The following TRIM56 variants were observed in gnomAD, a reference collection of about 807,000 sequenced individuals.
The protein encoded by TRIM56 is tripartite motif containing 56.
Under a neutral mutation model 17.1 loss-of-function variants are expected in TRIM56, and 10 were observed. That is an observed-to-expected ratio of 0.58 (90% CI 0.36 to 0.99). The LOEUF (loss-of-function observed/expected upper bound fraction) is 0.99, where lower values mean the gene tolerates loss of function less well. Ranked by LOEUF, TRIM56 falls within the 50% of genes least tolerant of loss-of-function variation. The pLI is 0.01. For missense variants in TRIM56, 923 were observed against 1,052.3 expected (o/e 0.88, Z 1.70); for synonymous variants, 503 against 473.5 (o/e 1.06, Z -0.81).
Position 101,089,316 on chromosome 7 carries a change from T to C in TRIM56, c.2004T>C (p.Val668=). 6.2e-7 allele frequency: 1 copy of C among 1,603,164 alleles called. No homozygotes were observed. The highest frequency in any genetic ancestry group is 8.5e-7 in the Non-Finnish European group (1 of 1,172,080). Residue 668 remains valine, a synonymous_variant, in exon 3 of 3, where the codon GTT becomes GTC. Coordinates refer to ENST00000306085, the MANE Select transcript of TRIM56 (RefSeq NM_030961.3). Reference sequence around the variant, plus strand: ...TCTGTGATGGGCTGGGCCAGGTGGTTGGGGAGTACAAGGGGCCAGGCCTGC... The same window carrying C: ...TCTGTGATGGGCTGGGCCAGGTGGTCGGGGAGTACAAGGGGCCAGGCCTGC... ...VVICDGLGQV[V]GEYKGPGLHG...
In TRIM56 at chr7:101,089,432, C is replaced by T. The variant is rs776810064; in HGVS notation, c.2120C>T (p.Pro707Leu). The T allele has an allele frequency of 1.1e-5, 17 of 1,614,222 alleles. No homozygotes were observed. Among genetic ancestry groups the T allele is most frequent in the Middle Eastern group, 1.6e-4 (1 of 6,062 alleles). The change falls in exon 3 of 3, where the codon CCG becomes CTG. Residue 707 changes from proline to leucine, a missense_variant. Transcript: ENST00000306085. Reference sequence around the variant, plus strand: ...GTCAACAAGGTGGTGATCCTGGACCCGAAGGGGTCCCTCCTTGGAGACTTC... The same window carrying T: ...GTCAACAAGGTGGTGATCCTGGACCTGAAGGGGTCCCTCCTTGGAGACTTC... Reference protein sequence around the residue: ...REVNKVVILDPKGSLLGDFLT... With the variant: ...REVNKVVILDLKGSLLGDFLT...
Position 101,090,617 on chromosome 7 carries a change from A to C in TRIM56, c.*1037A>C, listed in dbSNP as rs1321500666. Reference sequence around the variant, plus strand: ...CCAGACCCCATCTCGAAAAAAAAAAAAAAAAAAAAAAACAGAAACAACAGA... The same window carrying C: ...CCAGACCCCATCTCGAAAAAAAAAACAAAAAAAAAAAACAGAAACAACAGA... On this transcript the variant is annotated 3_prime_UTR_variant, in exon 3 of 3. Coordinates refer to ENST00000306085, the MANE Select transcript of TRIM56 (RefSeq NM_030961.3). 6.6e-6 allele frequency: 1 copy of C among 150,742 alleles called. No individual in the cohort carries two copies. The highest frequency in any genetic ancestry group is 1.5e-5 in the Non-Finnish European group (1 of 67,826). 9.3% of individuals were successfully genotyped at this position (150,742 alleles called of 1,614,324 possible). A position where few individuals can be genotyped will look rare whatever the true frequency, so the allele number is the denominator to read the frequency against.
rs1390854008 is a variant in TRIM56, at chr7:101,091,830, G to C, written c.*2250G>C. 2.5e-6 allele frequency: 1 copy of C among 404,538 alleles called. No individual in the cohort carries two copies. The highest frequency in any genetic ancestry group is 7.1e-5 in the East Asian group (1 of 13,996). 25.1% of individuals were successfully genotyped at this position (404,538 alleles called of 1,614,324 possible). A position where few individuals can be genotyped will look rare whatever the true frequency, so the allele number is the denominator to read the frequency against. On this transcript the variant is annotated 3_prime_UTR_variant, in exon 3 of 3. Transcript: ENST00000306085. The stretch of plus-strand genomic sequence containing the variant: ...CTTTCCATGGTCACGGTCTCCCTCT[G>C]ATGCCGAGCCGAAGCTGGACTGTAC...
In TRIM56 at chr7:101,088,698, G is replaced by A. The variant is rs747538612; in HGVS notation, c.1386G>A (p.Lys462=). ...HRGGRPNKKK[K]FKGRLKSISR... The stretch of plus-strand genomic sequence containing the variant: ...GTGGCAGACCCAACAAGAAGAAAAA[G>A]TTCAAAGGCAGGCTCAAGTCAATTT... Residue 462 remains lysine, a synonymous_variant, in exon 3 of 3, where the codon AAG becomes AAA. Transcript: ENST00000306085. 1 of 1,614,090 alleles carries A rather than the reference G, an allele frequency of 6.2e-7. No homozygotes were observed. Among genetic ancestry groups the A allele is most frequent in the South Asian group, 1.1e-5 (1 of 91,082 alleles).
intron 1 of TRIM56, among the ~76,000 whole-genome samples, chr7:101,086,453 C>T (rs1237493157): frequency 2.0e-5 from 3 of 149,244 alleles, no homozygotes; most frequent in Admixed American, 6.8e-5. Flanking sequence ...CACAGCTACT[C>T]GGGAGGCTGA....
chr7:101,097,350 A>G lies in TRIM56; in HGVS notation c.*7770A>G, dbSNP rs1795666284. On this transcript the variant is annotated 3_prime_UTR_variant, in exon 3 of 3. Transcript: ENST00000306085. ...GGTCTTGGATGAACTGGGGCAGAGA[A>G]CTGCCAGAGAGAGTACCTAGGAATA... is the stretch of plus-strand genomic sequence containing the variant. The G allele has an allele frequency of 6.6e-6, 1 of 152,190 alleles. No homozygotes were observed. The highest frequency in any genetic ancestry group is 6.5e-5 in the Admixed American group (1 of 15,272). The allele number at this position is 152,190 out of a possible 1,614,324, so 9.4% of individuals were successfully genotyped here. A position where few individuals can be genotyped will look rare whatever the true frequency, so the allele number is the denominator to read the frequency against.
intron 1 of TRIM56, among the ~76,000 whole-genome samples, chr7:101,086,584 A>C (rs78651048): frequency 7.0e-6 from 1 of 143,528 alleles, no homozygotes; most frequent in Non-Finnish European, 1.5e-5. Context: ...AAAAAAAAAA[A>C]GGCTGGGCAT....
chr7:101,088,511 C>G lies in TRIM56; in HGVS notation c.1199C>G (p.Pro400Arg), dbSNP rs760060004. ...AGCCAGAGCCGGAGGGAGGATGAGC[C>G]GAAGACTGAGAGACAGGGTGGAGTC... ...EESQSRREDE[P>R]KTERQGGVQP... Residue 400 changes from proline to arginine, a missense_variant, in exon 3 of 3, where the codon CCG (proline) becomes CGG (arginine). By Grantham distance (103) the Pro-to-Arg change is moderately radical. Transcript: ENST00000306085. 4 of 1,613,704 alleles carry G rather than the reference C, an allele frequency of 2.5e-6. No individual in the cohort carries two copies. Among genetic ancestry groups the G allele is most frequent in the South Asian group, 1.1e-5 (1 of 91,078 alleles).
At position 101,097,767 on chromosome 7, in the gene TRIM56, T is replaced by G. The variant is rs1795671425; in HGVS notation, c.*8187T>G. The G allele has an allele frequency of 6.6e-6, 1 of 152,240 alleles. No individual in the cohort carries two copies. Among genetic ancestry groups the G allele is most frequent in the Non-Finnish European group, 1.5e-5 (1 of 68,044 alleles). The allele number at this position is 152,240 out of a possible 1,614,324, so 9.4% of individuals were successfully genotyped here. On this transcript the variant is annotated 3_prime_UTR_variant, in exon 3 of 3. Coordinates refer to ENST00000306085, the MANE Select transcript of TRIM56 (RefSeq NM_030961.3). The stretch of plus-strand genomic sequence containing the variant: ...AATCAGGACGTCGGTGCCTAGTGAC[T>G]GAGCGCCAGCCCAGCCCATTTCTCT...
rs1795476025 is a variant in TRIM56 at position 101,087,722 on chromosome 7, G to A, written c.410G>A (p.Cys137Tyr). The A allele has an allele frequency of 6.3e-7, 1 of 1,588,300 alleles. No individual in the cohort carries two copies. The highest frequency in any genetic ancestry group is 1.1e-5 in the South Asian group (1 of 88,534). ...CAGGCCTGTGCCGACGGGCACCGCT[G>A]CACCCGCCAGACCCACACCCACCGC... is the stretch of plus-strand genomic sequence containing the variant. ...LCQACADGHR[C>Y]TRQTHTHRVV... The change falls in exon 3 of 3, where the codon TGC (cysteine) becomes TAC (tyrosine). Residue 137 changes from cysteine to tyrosine, a missense_variant. Cys to Tyr is a radical substitution (Grantham distance 194). Transcript: ENST00000306085.
At position 101,095,436 on chromosome 7, in the gene TRIM56, G is replaced by C. The variant is rs1311936952; in HGVS notation, c.*5856G>C. The C allele has an allele frequency of 1.3e-5, 2 of 152,306 alleles. No homozygotes were observed. The highest frequency in any genetic ancestry group is 4.8e-5 in the African/African-American group (2 of 41,426). The allele number at this position is 152,306 out of a possible 1,614,324, so 9.4% of individuals were successfully genotyped here. On this transcript the variant is annotated 3_prime_UTR_variant, in exon 3 of 3. Transcript: ENST00000306085. Reference sequence around the variant, plus strand: ...GTGTCCCGCTTCTGTGCATGTGGAGGGGGTAACTGGGAACCGTGTACTGTA... The same window carrying C: ...GTGTCCCGCTTCTGTGCATGTGGAGCGGGTAACTGGGAACCGTGTACTGTA...
rs1431279807 is a variant in TRIM56, at chr7:101,087,355, A to T, written c.43A>T (p.Ser15Cys). Residue 15 changes from serine to cysteine, a missense_variant, in exon 3 of 3, where the codon AGC becomes TGC. By Grantham distance (112) the Ser-to-Cys change is moderately radical. Around this residue, in one of 3 missense-constraint regions of TRIM56, gnomAD observed 98 missense variants for 143.6 expected, o/e 0.68. Transcript: ENST00000306085. Reference sequence around the variant, plus strand: ...CTCGCCCTCCCTCCTGGAGGCCCTGAGCAGCGACTTCCTGGCCTGTAAAAT... The same window carrying T: ...CTCGCCCTCCCTCCTGGAGGCCCTGTGCAGCGACTTCCTGGCCTGTAAAAT... ...GSSPSLLEAL[S>C]SDFLACKICL... is the part of the protein sequence containing the mutation. 1 of 1,612,884 alleles carries T rather than the reference A, an allele frequency of 6.2e-7. No individual in the cohort carries two copies. The highest frequency in any genetic ancestry group is 8.5e-7 in the Non-Finnish European group (1 of 1,179,992).
In TRIM56 at chr7:101,091,617, C is replaced by T. The variant is rs1562840025; in HGVS notation, c.*2037C>T. ...GAGCGGGCGTCTGTAATCCCAGCTA[C>T]TTGGGAGGCTGAGGCAGGAGAATCA... On this transcript the variant is annotated 3_prime_UTR_variant, in exon 3 of 3. Coordinates refer to ENST00000306085, the MANE Select transcript of TRIM56 (RefSeq NM_030961.3). 1 of 390,870 alleles carries T rather than the reference C, an allele frequency of 2.6e-6. No individual in the cohort carries two copies. Among genetic ancestry groups the T allele is most frequent in the Non-Finnish European group, 5.0e-6 (1 of 200,950 alleles). The allele number at this position is 390,870 out of a possible 1,614,324, so 24.2% of individuals were successfully genotyped here.
Position 101,095,501 on chromosome 7 carries a change from G to A in TRIM56, c.*5921G>A, listed in dbSNP as rs1026520506. ...TTGGGGTGGAAACAGCAGCTCTCCG[G>A]AGTTGCATGGGAGCCATGGGCAGTG... On this transcript the variant is annotated 3_prime_UTR_variant, in exon 3 of 3. Transcript: ENST00000306085. The A allele has an allele frequency of 6.6e-6, 1 of 152,298 alleles. No individual in the cohort carries two copies. The highest frequency in any genetic ancestry group is 1.5e-5 in the Non-Finnish European group (1 of 68,104). 9.4% of individuals were successfully genotyped at this position (152,298 alleles called of 1,614,324 possible). A position where few individuals can be genotyped will look rare whatever the true frequency, so the allele number is the denominator to read the frequency against.
In TRIM56 at chr7:101,089,130, C is replaced by T. The variant is rs766557946; in HGVS notation, c.1818C>T (p.Ser606=). 12 of 1,606,956 alleles carry T rather than the reference C, an allele frequency of 7.5e-6. No individual in the cohort carries two copies. Among genetic ancestry groups the T allele is most frequent in the East Asian group, 2.2e-5 (1 of 44,798 alleles). ...ALPSGDRVAV[S]VAGHVEVYNM... ...CTAGCGGGGACCGCGTGGCTGTCAGCGTGGCGGGCCACGTGGAGGTGTACA... is the reference window on the plus strand; with the variant it reads ...CTAGCGGGGACCGCGTGGCTGTCAGTGTGGCGGGCCACGTGGAGGTGTACA... Residue 606 remains serine, a synonymous_variant, in exon 3 of 3, where the codon AGC becomes AGT. Coordinates refer to ENST00000306085, the MANE Select transcript of TRIM56 (RefSeq NM_030961.3).
rs1290668467 is a variant in TRIM56, at chr7:101,088,989, G to C, written c.1677G>C (p.Gln559His). ...CCCCTTGCAGCGTGGCCGCCCTGCA[G>C]AGCGCGGTGGCCTTCTCCGCTAGCG... is the stretch of plus-strand genomic sequence containing the variant. ...GCSPCSVAAL[Q>H]SAVAFSASAR... The change falls in exon 3 of 3, where the codon CAG becomes CAC. Residue 559 changes from glutamine to histidine, a missense_variant. Gln to His is a conservative substitution (Grantham distance 24). Transcript: ENST00000306085. The C allele has an allele frequency of 6.2e-7, 1 of 1,610,260 alleles. No homozygotes were observed. The highest frequency in any genetic ancestry group is 1.7e-5 in the Admixed American group (1 of 60,020).
At position 101,089,195 on chromosome 7, in the gene TRIM56, G is replaced by T. The variant is rs1230573116; in HGVS notation, c.1883G>T (p.Gly628Val). The stretch of plus-strand genomic sequence containing the variant: ...CTGGCCACCCGGTTCATTCCTGGAG[G>T]CAAGGCCAGCCGGGGCCTGCGGGCG... ...GSLATRFIPGGKASRGLRALV... is the reference protein window; with the variant it reads ...GSLATRFIPGVKASRGLRALV... The change falls in exon 3 of 3, where the codon GGC (glycine) becomes GTC (valine). Residue 628 changes from glycine (G) to valine (V), a missense_variant. Coordinates refer to ENST00000306085, the MANE Select transcript of TRIM56 (RefSeq NM_030961.3). 2 of 1,613,546 alleles carry T rather than the reference G, an allele frequency of 1.2e-6. No homozygotes were observed. The highest frequency in any genetic ancestry group is 1.7e-6 in the Non-Finnish European group (2 of 1,179,792).
rs754426239 is a variant in TRIM56 at position 101,089,462 on chromosome 7, C to T, written c.2150C>T (p.Thr717Ile). Reference protein sequence around the residue: ...PKGSLLGDFLTAYHGLEKPRV... With the variant: ...PKGSLLGDFLIAYHGLEKPRV... ...GGGTCCCTCCTTGGAGACTTCCTGA[C>T]AGCCTACCACGGCCTGGAAAAGCCC... Residue 717 changes from threonine to isoleucine, a missense_variant, in exon 3 of 3, where the codon ACA (threonine) becomes ATA (isoleucine). Coordinates refer to ENST00000306085, the MANE Select transcript of TRIM56 (RefSeq NM_030961.3). 7 of 1,614,258 alleles carry T rather than the reference C, an allele frequency of 4.3e-6. No homozygotes were observed. The highest frequency in any genetic ancestry group is 1.7e-5 in the Admixed American group (1 of 60,028).
chr7:101,097,947 A>G lies in TRIM56; in HGVS notation c.*8367A>G, dbSNP rs1223224611. On this transcript the variant is annotated 3_prime_UTR_variant, in exon 3 of 3. Coordinates refer to ENST00000306085, the MANE Select transcript of TRIM56 (RefSeq NM_030961.3). The stretch of plus-strand genomic sequence containing the variant: ...GTATCTTTCCTCTGTTTCTTAATAA[A>G]GTTCTTTTGAAAAATTGGAACCTTT... 6.6e-6 allele frequency: 1 copy of G among 151,064 alleles called. No individual in the cohort carries two copies. The highest frequency in any genetic ancestry group is 2.4e-5 in the African/African-American group (1 of 41,226). The allele number at this position is 151,064 out of a possible 1,614,324, so 9.4% of individuals were successfully genotyped here.
Sources: gnomAD v4.1 joint callset for allele counts (sites outside exome capture counted in the v4.1 genomes callset) on GRCh38, gnomAD v4.1.1 for gene constraint, gnomAD v4.1.1 regional missense constraint, MANE v1.5 for transcripts, NCBI Gene and HGNC (gene_info 2026-07-23, HGNC 2026-07-21) for gene names.